CDK5RAP2: variants seen among roughly 807,000 people sequenced by gnomAD.
The protein encoded by CDK5RAP2 is CDK5 regulatory subunit-associated protein 2.
Under a neutral mutation model 232.9 loss-of-function variants are expected in CDK5RAP2, and 147 were observed. That is an observed-to-expected ratio of 0.63 (90% CI 0.55 to 0.72). CDK5RAP2 has a LOEUF of 0.72. Ranked by LOEUF, CDK5RAP2 falls within the 30% of genes least tolerant of loss-of-function variation. The pLI, the probability that CDK5RAP2 is intolerant of heterozygous loss-of-function variation, is 0.00. For synonymous variants in CDK5RAP2, 833 were observed against 833.7 expected (o/e 1.00, Z 0.01); for missense variants, 2,195 against 2,231.5 (o/e 0.98, Z 0.33).
At chr9:120,465,717 A>AC (rs1300930755) in intron 18 of CDK5RAP2, among the ~76,000 whole-genome samples, 1 of 152,182 alleles carries the variant, frequency 6.6e-6, no homozygotes, top group Non-Finnish European at 1.5e-5. Context: ...AAAAAAAAAA[A>AC]AACCTCTAAA....
intron 12 of CDK5RAP2, among the ~76,000 whole-genome samples, chr9:120,506,678 T>G (rs1313896378): frequency 6.6e-6 from 1 of 152,212 alleles, no homozygotes; most frequent in Admixed American, 6.5e-5. Flanking sequence ...TTCAAGACTT[T>G]ACTTCACTGC....
chr9:120,558,778 T>C (rs991216606), intron 3 of CDK5RAP2, among the ~76,000 whole-genome samples: 1 of 152,196 alleles, frequency 6.6e-6, no homozygotes, highest in Non-Finnish European at 1.5e-5. Flanking sequence ...CCATCTAAAG[T>C]GGGCCCCATC....
chr9:120,500,612 G>A (rs969838745), intron 12 of CDK5RAP2, among the ~76,000 whole-genome samples: 13 of 152,196 alleles, frequency 8.5e-5, no homozygotes, highest in Middle Eastern at 3.4e-3. Context: ...TTGTCCTTGT[G>A]GGCCATGAAT....
chr9:120,478,428 G>A (rs552175818), intron 14 of CDK5RAP2, among the ~76,000 whole-genome samples: 6 of 152,300 alleles, frequency 3.9e-5, no homozygotes, highest in Admixed American at 2.0e-4. Flanking sequence ...TTTTAGTTAC[G>A]CAAGATGAAT....
intron 12 of CDK5RAP2, among the ~76,000 whole-genome samples, chr9:120,502,575 T>G (rs2039624937): frequency 6.6e-6 from 1 of 152,246 alleles, no homozygotes; most frequent in African/African-American, 2.4e-5. Flanking sequence ...CGTGCCACAT[T>G]TCTCCCACAA....
chr9:120,475,613 C>T (rs1330111275), intron 15 of CDK5RAP2, among the ~76,000 whole-genome samples: 1 of 152,180 alleles, frequency 6.6e-6, no homozygotes, highest in Non-Finnish European at 1.5e-5. Flanking sequence ...CCCCCAACAC[C>T]ACTTGCCAAG....
rs2035772904 is a variant in CDK5RAP2, at chr9:120,439,480, TGCA to T, written c.3638_3640del (p.Leu1213del). On this transcript the variant is annotated inframe_deletion, in exon 24 of 38. Transcript: ENST00000349780. ...TTGCATGTTCAAATTCTGCTCCTTCTGCAGCTTGTATTCCTGTTCCTCCAGCTG... is the reference window on the plus strand; with the variant it reads ...TTGCATGTTCAAATTCTGCTCCTTCTGCTTGTATTCCTGTTCCTCCAGCTG... The T allele has an allele frequency of 1.2e-6, 2 of 1,614,132 alleles. No homozygotes were observed. Among genetic ancestry groups the T allele is most frequent in the African/African-American group, 1.3e-5 (1 of 74,956 alleles).
rs1554727984 is a variant in CDK5RAP2, at chr9:120,401,995, A to AAT, written c.5307+810_5307+811insAT. The stretch of plus-strand genomic sequence containing the variant: ...TGAGACTCCATCTCAAAAAAAAAAA[A>AAT]TTTTATATATATACTGCCAGGCATG... On this transcript the variant is annotated intron_variant, in intron 34 of 37. Transcript: ENST00000349780. 6.1e-4 allele frequency among the ~76,000 whole-genome samples: 93 copies of AAT among 151,960 alleles called. 1 individual carries two copies. The highest frequency in any genetic ancestry group is 2.0e-3 in the African/African-American group (82 of 41,414).
chr9:120,453,988 AATACAG>A, intron 20 of CDK5RAP2, 115 bp from the exon 21 acceptor site: 2 of 1,066,376 alleles, frequency 1.9e-6, no homozygotes, highest in Non-Finnish European at 2.9e-6. Context: ...ATCAAAACTA[AATACAG>A]TGTGTACCCA....
At position 120,453,702 on chromosome 9, in the gene CDK5RAP2, C is replaced by T. The variant is rs1303870617; in HGVS notation, c.2547G>A (p.Leu849=). 2 of 1,614,114 alleles carry T rather than the reference C, an allele frequency of 1.2e-6. No individual in the cohort carries two copies. The highest frequency in any genetic ancestry group is 1.7e-6 in the Non-Finnish European group (2 of 1,180,042). The change falls in exon 21 of 38, where the codon CTG becomes CTA. Residue 849 remains leucine, a synonymous_variant. Coordinates refer to ENST00000349780, the MANE Select transcript of CDK5RAP2 (RefSeq NM_018249.6). ...TNSFSKPHDE[L]KLSCEAQLVK... is the part of the protein sequence containing the mutation. Reference sequence around the variant, plus strand: ...CTAGCTGGGCCTCACAAGACAACTTCAGTTCATCATGTGGCTTGGAAAATG... The same window carrying T: ...CTAGCTGGGCCTCACAAGACAACTTTAGTTCATCATGTGGCTTGGAAAATG...
chr9:120,424,778 C>T, intron 25 of CDK5RAP2, among the ~76,000 whole-genome samples: 1 of 151,230 alleles, frequency 6.6e-6, no homozygotes, highest in East Asian at 2.0e-4. Context: ...CGACTTACTG[C>T]AACCTCTGCC....
intron 36 of CDK5RAP2, among the ~76,000 whole-genome samples, chr9:120,393,814 C>T (rs1369277711): frequency 6.6e-6 from 1 of 152,212 alleles, no homozygotes; most frequent in Admixed American, 6.5e-5. Flanking sequence ...AAGTATTTCT[C>T]AAATCCATGC....
Position 120,436,131 on chromosome 9 carries a change from C to A in CDK5RAP2, c.3955+1164G>T, listed in dbSNP as rs1379468355. 2.6e-5 allele frequency among the ~76,000 whole-genome samples: 4 copies of A among 152,280 alleles called. No individual in the cohort carries two copies. In the East Asian group the frequency reaches 5.8e-4, roughly 22 times the overall value. ...AAGGAAGTGATCAAAGTTAATATCA[C>A]CAAAAACGGGATTAATATTGTGTGC... On this transcript the variant is annotated intron_variant, in intron 25 of 37. Coordinates refer to ENST00000349780, the MANE Select transcript of CDK5RAP2 (RefSeq NM_018249.6).
chr9:120,429,833 G>A (rs1308295137), intron 25 of CDK5RAP2, among the ~76,000 whole-genome samples: 11 of 152,150 alleles, frequency 7.2e-5, no homozygotes, highest in African/African-American at 1.9e-4. Flanking sequence ...CAAAGCTGGA[G>A]GCATCACACT....
intron 18 of CDK5RAP2, among the ~76,000 whole-genome samples, 154 bp downstream of exon 18, chr9:120,467,706 T>C (rs1588417370): frequency 6.6e-6 from 1 of 152,082 alleles, no homozygotes; most frequent in Non-Finnish European, 1.5e-5. Flanking sequence ...AGTGTAGTGG[T>C]GTAATCACAG....
intron 3 of CDK5RAP2, among the ~76,000 whole-genome samples, chr9:120,565,298 C>T (rs533779818): frequency 6.6e-6 from 1 of 152,228 alleles, no homozygotes; most frequent in African/African-American, 2.4e-5. Flanking sequence ...TCATTCCATG[C>T]CCTTAGCTCC....
Position 120,545,792 on chromosome 9 carries a change from T to A in CDK5RAP2, c.307-2A>T, listed in dbSNP as rs369158130. The A allele has an allele frequency of 6.2e-7, 1 of 1,611,376 alleles. No homozygotes were observed. The highest frequency in any genetic ancestry group is 1.1e-5 in the South Asian group (1 of 91,022). ...TACTTCCACCTTGAGCTCAATGTTC[T>A]ACAAAACAAGATTAAGAAAGAAAAG... On this transcript the variant is annotated splice_acceptor_variant, in intron 4 of 37. Transcript: ENST00000349780. LOFTEE classifies it high-confidence loss of function.
At position 120,394,610 on chromosome 9, in the gene CDK5RAP2, T is replaced by C. The variant is rs567642243; in HGVS notation, c.5480A>G (p.Lys1827Arg). ...TTGTTCAAACAATTTTTTATGTAGTTTGGTGACCTCTGCCTTCATTTCTCC... is the reference window on the plus strand; with the variant it reads ...TTGTTCAAACAATTTTTTATGTAGTCTGGTGACCTCTGCCTTCATTTCTCC... ...QIGEMKAEVT[K>R]LHKKLFEQEK... The change falls in exon 36 of 38, where the codon AAA (lysine) becomes AGA (arginine). Residue 1827 changes from lysine (K) to arginine (R), a missense_variant. By Grantham distance (26) the Lys-to-Arg change is conservative (BLOSUM62 2). Coordinates refer to ENST00000349780, the MANE Select transcript of CDK5RAP2 (RefSeq NM_018249.6). 18 of 1,614,066 alleles carry C rather than the reference T, an allele frequency of 1.1e-5. No individual in the cohort carries two copies. The South Asian group carries it at 1.6e-4, about 15-fold the overall frequency.
Position 120,580,119 on chromosome 9 carries a change from T to G in CDK5RAP2, c.-141A>C. On this transcript the variant is annotated 5_prime_UTR_variant, in exon 1 of 38. An upstream open reading frame in the 5' UTR loses its in-frame stop. Coordinates refer to ENST00000349780, the MANE Select transcript of CDK5RAP2 (RefSeq NM_018249.6). ...CAGACTCTGGCGGCGCCGCTGGAAT[T>G]CAAACCACAGACGCCGCCATCTTTC... The G allele has an allele frequency of 1.7e-6, 1 of 592,696 alleles. No homozygotes were observed. The highest frequency in any genetic ancestry group is 2.1e-5 in the South Asian group (1 of 47,480). 36.7% of individuals were successfully genotyped at this position (592,696 alleles called of 1,614,324 possible).
Sources: gnomAD v4.1 joint callset for allele counts (sites outside exome capture counted in the v4.1 genomes callset) on GRCh38, gnomAD v4.1.1 for gene constraint, MANE v1.5 for transcripts, NCBI Gene and HGNC (gene_info 2026-07-23, HGNC 2026-07-21) for gene names.